UFL1: variants seen among roughly 807,000 people sequenced by gnomAD.
UFL1 encodes the protein UFM1 specific ligase 1, also known as E3 UFM1-protein ligase 1.
UFL1 carries 78 observed loss-of-function variants against 99.3 expected under a neutral mutation model. That is an observed-to-expected ratio of 0.79 (90% CI 0.65 to 0.95). The LOEUF is 0.95. UFL1 is among the 40% of genes least tolerant of loss of function. The probability of loss-of-function intolerance (pLI) is 0.00; values close to 1 mark genes in which losing one functional copy is unlikely to be tolerated. For synonymous variants in UFL1, 335 were observed against 322.2 expected, an observed-to-expected ratio of 1.04 and a Z score of -0.42; for missense variants, 936 against 937.0, an observed-to-expected ratio of 1.00 and a Z score of 0.01.
At chr6:96,548,915 AT>A (rs1328418149) in intron 13 of UFL1, among the ~76,000 whole-genome samples, 3 of 151,722 alleles carry the variant, frequency 2.0e-5, no homozygotes, top group South Asian at 2.1e-4. Context: ...TGTGGTGATA[AT>A]TTTTTTAATA....
chr6:96,552,713 A>G, intron 18 of UFL1, 51 bp downstream of exon 18: 1 of 1,492,580 alleles, frequency 6.7e-7, no homozygotes. Flanking sequence ...CATTCTGAAT[A>G]TTTTGAGTGG....
At chr6:96,528,826 C>T (rs1196489781) in intron 6 of UFL1, among the ~76,000 whole-genome samples, 194 bp downstream of exon 6, 1 of 152,130 alleles carries the variant, frequency 6.6e-6, no homozygotes, top group Non-Finnish European at 1.5e-5. Flanking sequence ...CCTCTCTCTC[C>T]AGTCCGCATC....
intron 12 of UFL1, among the ~76,000 whole-genome samples, chr6:96,543,947 C>T (rs971401587): frequency 4.0e-5 from 6 of 150,834 alleles, no homozygotes; most frequent in Admixed American, 4.0e-4. Flanking sequence ...TTTCATTTTC[C>T]TATACATTTA....
intron 6 of UFL1, among the ~76,000 whole-genome samples, chr6:96,532,718 C>G (rs578145707): frequency 2.0e-5 from 3 of 152,264 alleles, no homozygotes; most frequent in African/African-American, 7.2e-5. Context: ...TTGAAACCCT[C>G]AAAAAATGTA....
chr6:96,533,314 G>A lies in UFL1; in HGVS notation c.597-949G>A, dbSNP rs558464646. The stretch of plus-strand genomic sequence containing the variant: ...AAGTCAAAAACATAAATGTTCATAG[G>A]AGCATTATCCACAGTAGCCACAAAC... On this transcript the variant is annotated intron_variant, in intron 6 of 18. Coordinates refer to ENST00000369278, the MANE Select transcript of UFL1 (RefSeq NM_015323.5). Among the ~76,000 whole-genome samples the A allele has an allele frequency of 4.6e-5, 7 of 151,960 alleles. No individual in the cohort carries two copies. In the South Asian group the frequency reaches 8.3e-4, roughly 18 times the overall value.
chr6:96,553,350 G>A lies in UFL1; in HGVS notation c.2232G>A (p.Lys744=). 1 of 1,613,786 alleles carries A rather than the reference G, an allele frequency of 6.2e-7. No homozygotes were observed. Among genetic ancestry groups the A allele is most frequent in the Non-Finnish European group, 8.5e-7 (1 of 1,179,800 alleles). Residue 744 remains lysine, a synonymous_variant, in exon 19 of 19, where the codon AAG becomes AAA. Coordinates refer to ENST00000369278, the MANE Select transcript of UFL1 (RefSeq NM_015323.5). ...LVVKQLVSQS[K]KTGQGDYPLN... ...TAAAGCAGCTAGTCAGTCAAAGTAAGAAGACTGGGCAGGGAGATTATCCCT... is the reference window on the plus strand; with the variant it reads ...TAAAGCAGCTAGTCAGTCAAAGTAAAAAGACTGGGCAGGGAGATTATCCCT...
At chr6:96,544,509 T>A (rs892397270) in intron 12 of UFL1, among the ~76,000 whole-genome samples, 6 of 151,036 alleles carry the variant, frequency 4.0e-5, no homozygotes, top group African/African-American at 1.5e-4. Context: ...TATCAAGTGA[T>A]GTGCCTGCAG....
intron 6 of UFL1, among the ~76,000 whole-genome samples, chr6:96,529,983 A>G (rs1769758450): frequency 6.6e-6 from 1 of 152,194 alleles, no homozygotes. Flanking sequence ...AAGGGGCATC[A>G]TCCTATATAA....
At chr6:96,540,693 AT>A (rs2127951735) in intron 11 of UFL1, 38 bp downstream of exon 11, 1 of 1,579,326 alleles carries the variant, frequency 6.3e-7, no homozygotes, top group African/African-American at 1.4e-5. Context: ...AAAGTTTTGT[AT>A]TTGTTGCAGT....
intron 12 of UFL1, among the ~76,000 whole-genome samples, chr6:96,545,980 C>T (rs1243525589): frequency 6.6e-6 from 1 of 151,148 alleles, no homozygotes; most frequent in Non-Finnish European, 1.5e-5. Flanking sequence ...TGTCTACTCT[C>T]ACCACTCCTA....
intron 7 of UFL1, 58 bp downstream of exon 7, chr6:96,534,379 A>T: frequency 8.0e-7 from 1 of 1,254,562 alleles, no homozygotes; most frequent in Admixed American, 2.6e-5. Context: ...TATTAATGTA[A>T]AACTTACTAA....
intron 3 of UFL1, 88 bp downstream of exon 3, chr6:96,524,498 C>A (rs1053891028): frequency 4.0e-6 from 4 of 1,007,334 alleles, no homozygotes; most frequent in Admixed American, 6.0e-5. Flanking sequence ...ATGCTGGTAT[C>A]ATATTTTGTG....
At chr6:96,534,736 TATC>T (rs981244377) in intron 7 of UFL1, among the ~76,000 whole-genome samples, 9 of 152,058 alleles carry the variant, frequency 5.9e-5, no homozygotes, top group African/African-American at 1.7e-4. Flanking sequence ...AGTATATTCT[TATC>T]ATTCAAACAA....
intron 11 of UFL1, among the ~76,000 whole-genome samples, chr6:96,541,205 T>C (rs1769926627): frequency 6.6e-6 from 1 of 151,624 alleles, no homozygotes; most frequent in Non-Finnish European, 1.5e-5. Context: ...TGTGTTTTAT[T>C]GTTTGGGAAC....
intron 10 of UFL1, 111 bp from the exon 11 acceptor site, chr6:96,540,424 A>G (rs1769914383): frequency 7.5e-7 from 1 of 1,331,682 alleles, no homozygotes; most frequent in Non-Finnish European, 1.0e-6. Flanking sequence ...AAAGCTCTAT[A>G]GTTCTAAGCA....
chr6:96,537,244 T>C, intron 8 of UFL1, 130 bp from the exon 9 acceptor site: 1 of 587,234 alleles, frequency 1.7e-6, no homozygotes, highest in Non-Finnish European at 2.7e-6. Flanking sequence ...TTATTTGGGG[T>C]GGAGTTAGAG....
intron 10 of UFL1, among the ~76,000 whole-genome samples, chr6:96,540,023 A>G (rs1769908365): frequency 6.6e-6 from 1 of 151,260 alleles, no homozygotes; most frequent in Non-Finnish European, 1.5e-5. Flanking sequence ...CGTTGTTATC[A>G]TAAACTTTTT....
In UFL1 at chr6:96,549,844, C is replaced by T. The variant is rs761193520; in HGVS notation, c.1818+45C>T. ...ACCACTATTGATGTGTTCTGTTTTGCATCTATACACATTTTATTTTATCTT... is the reference window on the plus strand; with the variant it reads ...ACCACTATTGATGTGTTCTGTTTTGTATCTATACACATTTTATTTTATCTT... On this transcript the variant is annotated intron_variant, in intron 15 of 18. Coordinates refer to ENST00000369278, the MANE Select transcript of UFL1 (RefSeq NM_015323.5). 70 of 1,581,670 alleles carry T rather than the reference C, an allele frequency of 4.4e-5. No homozygotes were observed. The Admixed American group carries it at 5.7e-4, about 13-fold the overall frequency.
Position 96,540,518 on chromosome 6 carries a change from A to G in UFL1, c.1159-17A>G, listed in dbSNP as rs760234795. 1.3e-6 allele frequency: 2 copies of G among 1,587,620 alleles called. No homozygotes were observed. Among genetic ancestry groups the G allele is most frequent in the East Asian group, 4.5e-5 (2 of 44,404 alleles). On this transcript the variant is annotated splice_polypyrimidine_tract_variant and intron_variant, in intron 10 of 18. Coordinates refer to ENST00000369278, the MANE Select transcript of UFL1 (RefSeq NM_015323.5). Reference sequence around the variant, plus strand: ...GCTATGTGTTTTTCCTACCAAAAAAAGCATGTTTTATTTTAGGAAATGAAA... The same window carrying G: ...GCTATGTGTTTTTCCTACCAAAAAAGGCATGTTTTATTTTAGGAAATGAAA...
Sources: gnomAD v4.1 joint callset for allele counts (sites outside exome capture counted in the v4.1 genomes callset) on GRCh38, gnomAD v4.1.1 for gene constraint, MANE v1.5 for transcripts, NCBI Gene and HGNC (gene_info 2026-07-23, HGNC 2026-07-21) for gene names.